TCF20: variants seen among roughly 807,000 people sequenced by gnomAD.
TCF20 encodes the protein transcription factor 20, also known as SPRE-binding protein.
Under a neutral mutation model 148.6 loss-of-function variants are expected in TCF20, and 3 were observed. The observed-to-expected ratio is 0.02, with a 90% confidence interval of 0.01 to 0.05. The LOEUF is 0.05. Ranked by LOEUF, TCF20 falls within the 10% of genes least tolerant of loss-of-function variation. TCF20 has a pLI of 1.00. For missense variants in TCF20, 2,350 were observed against 2,429.3 expected (o/e 0.97, Z 0.69); for synonymous variants, 1,049 against 909.5 (o/e 1.15, Z -2.76).
chr22:42,309,288 C>T (rs1482503939), intron 1 of TCF20, among the ~76,000 whole-genome samples: 5 of 152,166 alleles, frequency 3.3e-5, no homozygotes, highest in Admixed American at 6.5e-5. Context: ...CCCCCGCCTG[C>T]CCTGTCAGCT....
chr22:42,256,482 T>C (rs544973088), intron 1 of TCF20, among the ~76,000 whole-genome samples: 1 of 152,228 alleles, frequency 6.6e-6, no homozygotes, highest in South Asian at 2.1e-4. Context: ...GTTTTTTTTT[T>C]TTTTTTAAAG....
At chr22:42,340,861 G>A (rs1347884227) in intron 1 of TCF20, among the ~76,000 whole-genome samples, 1 of 151,890 alleles carries the variant, frequency 6.6e-6, no homozygotes, top group Non-Finnish European at 1.5e-5. Flanking sequence ...GGGGAAAGGG[G>A]AGGGGAAAGG....
chr22:42,245,978 G>C (rs1924869775), intron 1 of TCF20, among the ~76,000 whole-genome samples: 1 of 152,034 alleles, frequency 6.6e-6, no homozygotes, highest in Non-Finnish European at 1.5e-5. Context: ...CAATACTGTT[G>C]AACACCCTGA....
At chr22:42,195,647 C>T (rs1937565968) in intron 2 of TCF20, among the ~76,000 whole-genome samples, 1 of 151,980 alleles carries the variant, frequency 6.6e-6, no homozygotes, top group Non-Finnish European at 1.5e-5. Flanking sequence ...TTACAGGTGC[C>T]CACCACCATG....
intron 1 of TCF20, among the ~76,000 whole-genome samples, chr22:42,336,779 C>T (rs1015835347): frequency 2.6e-5 from 4 of 152,198 alleles, no homozygotes; most frequent in African/African-American, 9.6e-5. Flanking sequence ...CTAGGGTGCT[C>T]TTCCCCCTGA....
At position 42,290,117 on chromosome 22, in the gene TCF20, C is replaced by T. The variant is rs1234007797; in HGVS notation, c.-37+53362G>A. Reference sequence around the variant, plus strand: ...TGCTGCTTGGGGAGCGGGGGTCAGCCAGGGGGACAAGGGCCAGCAGGAGGC... The same window carrying T: ...TGCTGCTTGGGGAGCGGGGGTCAGCTAGGGGGACAAGGGCCAGCAGGAGGC... On this transcript the variant is annotated intron_variant, in intron 1 of 1. Coordinates refer to the TCF20 transcript ENST00000515426. The surrounding 1 kb of genome is among the most constrained non-coding windows in gnomAD (Gnocchi z 4.2). Among the ~76,000 whole-genome samples the T allele has an allele frequency of 6.6e-6, 1 of 152,166 alleles. No homozygotes were observed. The highest frequency in any genetic ancestry group is 1.9e-4 in the East Asian group (1 of 5,186).
Position 42,211,040 on chromosome 22 carries a change from C to A in TCF20, c.4266G>T (p.Gln1422His). The A allele has an allele frequency of 6.2e-7, 1 of 1,614,164 alleles. No homozygotes were observed. Among genetic ancestry groups the A allele is most frequent in the African/African-American group, 1.3e-5 (1 of 75,020 alleles). ...VASDLVSPAN[Q>H]ELHVEKPLPR... ...GAAGAGGTTTCTCTACGTGCAACTC[C>A]TGGTTTGCTGGACTGACTAGGTCCG... The change falls in exon 2 of 6, where the codon CAG becomes CAT. Residue 1422 changes from glutamine (Q) to histidine (H), a missense_variant. By Grantham distance (24) the Gln-to-His change is conservative. Coordinates refer to ENST00000677622, the MANE Select transcript of TCF20 (RefSeq NM_001378418.1).
At chr22:42,294,256 A>C (rs5758701) in intron 1 of TCF20, among the ~76,000 whole-genome samples, 1 of 152,100 alleles carries the variant, frequency 6.6e-6, no homozygotes, top group African/African-American at 2.4e-5. Context: ...CGTGCACTAC[A>C]CTGGCAGGCA....
intron 1 of TCF20, among the ~76,000 whole-genome samples, chr22:42,323,872 GTGGTGGTGGTGA>G (rs1927785446): frequency 7.5e-6 from 1 of 134,074 alleles, no homozygotes; most frequent in Non-Finnish European, 1.7e-5. Context: ...GGTGGTGGTG[GTGGTGGTGGTGA>G]TGGAGGTTAT....
At chr22:42,268,424 C>T (rs1926410792) in intron 1 of TCF20, among the ~76,000 whole-genome samples, 1 of 152,200 alleles carries the variant, frequency 6.6e-6, no homozygotes, top group South Asian at 2.1e-4. Flanking sequence ...GTTGGGGATG[C>T]AGATAATCAG....
chr22:42,292,750 CCT>C lies in TCF20; in HGVS notation c.-37+50727_-37+50728del, dbSNP rs1927155176. Among the ~76,000 whole-genome samples the C allele has an allele frequency of 6.6e-6, 1 of 151,968 alleles. No individual in the cohort carries two copies. Among genetic ancestry groups the C allele is most frequent in the South Asian group, 2.1e-4 (1 of 4,814 alleles). ...ACAAGGCTCGGATTGGATTCTCAGG[CCT>C]CTCTGCTCCCAGCCAGCCCCTCTGC... On this transcript the variant is annotated intron_variant, in intron 1 of 1. Coordinates refer to the TCF20 transcript ENST00000515426. This position sits in a 1 kb window ranked among gnomAD's most constrained non-coding sequence, Gnocchi z 4.9.
intron 1 of TCF20, among the ~76,000 whole-genome samples, chr22:42,225,723 A>G (rs1922830006): frequency 6.6e-6 from 1 of 152,132 alleles, no homozygotes; most frequent in South Asian, 2.1e-4. Flanking sequence ...GCCCAAGGGA[A>G]AGAAATAGAG....
rs1421011573 is a variant in TCF20, at chr22:42,214,692, G to A, written c.614C>T (p.Ser205Leu). The A allele has an allele frequency of 6.2e-7, 1 of 1,614,184 alleles. No homozygotes were observed. Among genetic ancestry groups the A allele is most frequent in the Non-Finnish European group, 8.5e-7 (1 of 1,180,032 alleles). Residue 205 changes from serine (S) to leucine (L), a missense_variant, in exon 2 of 6, where the codon TCA (serine) becomes TTA (leucine). Ser to Leu is a moderately radical substitution (Grantham distance 145). This residue lies in a region of TCF20 where 1,641 missense variants were observed against 1,662.6 expected (regional missense o/e 0.99). Coordinates refer to ENST00000677622, the MANE Select transcript of TCF20 (RefSeq NM_001378418.1). ...CCGCTGCATTGGCTGTAGATGGGAT[G>A]AGCTGGATGCTGGTTGGCCAGTGGC... is the stretch of plus-strand genomic sequence containing the variant. ...PQATGQPASSSSHLQPMQRPS... is the reference protein window; with the variant it reads ...PQATGQPASSLSHLQPMQRPS...
At chr22:42,321,589 G>A (rs893977804) in intron 1 of TCF20, among the ~76,000 whole-genome samples, 3 of 151,906 alleles carry the variant, frequency 2.0e-5, no homozygotes, top group African/African-American at 7.2e-5. Flanking sequence ...TCCACGCTCA[G>A]GAGCCTTGCA....
At chr22:42,332,277 A>T (rs1927990083) in intron 1 of TCF20, among the ~76,000 whole-genome samples, 1 of 152,168 alleles carries the variant, frequency 6.6e-6, no homozygotes, top group Non-Finnish European at 1.5e-5. Flanking sequence ...TCGGAACAGC[A>T]AGTGCAAAGG....
intron 1 of TCF20, among the ~76,000 whole-genome samples, chr22:42,262,274 G>A (rs1926069083): frequency 6.6e-6 from 1 of 152,194 alleles, no homozygotes; most frequent in African/African-American, 2.4e-5. Flanking sequence ...CATGTTCCAG[G>A]TAAGAGGTAA....
chr22:42,265,280 T>A (rs1926223966), intron 1 of TCF20, among the ~76,000 whole-genome samples: 1 of 152,226 alleles, frequency 6.6e-6, no homozygotes, highest in Non-Finnish European at 1.5e-5. Context: ...CTCTACTAAC[T>A]ATAAATACCT....
In TCF20 at chr22:42,212,832, C is replaced by T; in HGVS notation, c.2474G>A (p.Ser825Asn). Reference protein sequence around the residue: ...PHWGPWERKSSSTAPEMKQIN... With the variant: ...PHWGPWERKSNSTAPEMKQIN... ...CTGTTTCATTTCAGGAGCTGTGCTG[C>T]TTGATTTCCTTTCCCAGGGGCCCCA... The change falls in exon 2 of 6, where the codon AGC becomes AAC. Residue 825 changes from serine (S) to asparagine (N), a missense_variant. This residue lies in a region of TCF20 where 1,641 missense variants were observed against 1,662.6 expected (regional missense o/e 0.99). Coordinates refer to ENST00000677622, the MANE Select transcript of TCF20 (RefSeq NM_001378418.1). 1.2e-6 allele frequency: 2 copies of T among 1,614,192 alleles called. No individual in the cohort carries two copies. The highest frequency in any genetic ancestry group is 1.7e-6 in the Non-Finnish European group (2 of 1,180,032).
rs746494302 is a variant in TCF20 at position 42,211,196 on chromosome 22, C to T, written c.4110G>A (p.Ser1370=). The change falls in exon 2 of 6, where the codon TCG becomes TCA. Residue 1370 remains serine, a synonymous_variant. Coordinates refer to ENST00000677622, the MANE Select transcript of TCF20 (RefSeq NM_001378418.1). ...TSPNIRRSAS[S]NSAEAGGDTV... is the part of the protein sequence containing the mutation. ...TGTCTCCCCCAGCCTCCGCACTGTT[C>T]GAAGATGCGCTCCTCCTAATATTTG... 22 of 1,614,002 alleles carry T rather than the reference C, an allele frequency of 1.4e-5. No homozygotes were observed. In the East Asian group the frequency reaches 1.6e-4, roughly 11 times the overall value.
Sources: gnomAD v4.1 joint callset for allele counts (sites outside exome capture counted in the v4.1 genomes callset) on GRCh38, gnomAD v4.1.1 for gene constraint, gnomAD v4.1.1 regional missense constraint, Gnocchi (gnomAD v3.1) non-coding constraint, MANE v1.5 for transcripts, NCBI Gene and HGNC (gene_info 2026-07-23, HGNC 2026-07-21) for gene names.